Variants in CCSER1 observed in about 807,000 individuals in gnomAD.
The protein encoded by CCSER1 is coiled-coil serine rich protein 1, also known as serine-rich coiled-coil domain-containing protein 1.
Under a neutral mutation model 82.0 loss-of-function variants are expected in CCSER1, and 41 were observed. The ratio of observed to expected loss-of-function variants is 0.50; its 90% CI spans 0.39 to 0.65. The LOEUF is 0.65. CCSER1 is among the 30% of genes least tolerant of loss of function. The probability of loss-of-function intolerance (pLI) is 0.00; values close to 1 mark genes in which losing one functional copy is unlikely to be tolerated. For synonymous variants in CCSER1, 414 were observed against 383.9 expected (o/e 1.08, Z -0.92); for missense variants, 1,119 against 1,064.2 (o/e 1.05, Z -0.72).
intron 8 of CCSER1, among the ~76,000 whole-genome samples, chr4:90,911,893 G>A (rs1293216203): frequency 6.6e-6 from 1 of 152,208 alleles, no homozygotes; most frequent in South Asian, 2.1e-4. Context: ...TAGCACAGCA[G>A]TCTGAGATCA....
At chr4:91,435,330 A>G (rs750660007) in intron 10 of CCSER1, among the ~76,000 whole-genome samples, 1 of 151,600 alleles carries the variant, frequency 6.6e-6, no homozygotes, top group Non-Finnish European at 1.5e-5. Context: ...ACTCTCAGCT[A>G]CTCTGGAGGC....
intron 8 of CCSER1, among the ~76,000 whole-genome samples, chr4:90,920,046 T>TTTGAATTAAATGTGAATCTCTGGGACAC (rs1243420214): frequency 6.6e-6 from 1 of 151,914 alleles, no homozygotes; most frequent in Non-Finnish European, 1.5e-5. Context: ...AATTCTTCAC[T>TTTGAATTAAATGTGAATCTCTGGGACAC]ATCCTTCTGA....
chr4:91,110,739 T>G (rs1219160845), intron 10 of CCSER1, among the ~76,000 whole-genome samples: 1 of 151,984 alleles, frequency 6.6e-6, no homozygotes, highest in Non-Finnish European at 1.5e-5. Context: ...AAGTACCCAA[T>G]AAATGTTTGT....
rs1010325618 is a variant in CCSER1, at chr4:90,248,636, A to G, written c.-41-59608A>G. Among the ~76,000 whole-genome samples the G allele has an allele frequency of 4.6e-5, 7 of 152,178 alleles. 1 individual carries two copies. Among genetic ancestry groups the G allele is most frequent in the Admixed American group, 4.6e-4 (7 of 15,276 alleles). ...TACATCTTGTATTCTACCAAGGTCT[A>G]GAGGAGGGTGGATTTAAATGATCAA... On this transcript the variant is annotated intron_variant, in intron 1 of 10. Transcript: ENST00000509176.
At chr4:91,022,458 C>T (rs977062689) in intron 9 of CCSER1, among the ~76,000 whole-genome samples, 9 of 151,950 alleles carry the variant, frequency 5.9e-5, no homozygotes, top group African/African-American at 9.7e-5. Flanking sequence ...TGAATAGTGC[C>T]GCAGTAAACA....
chr4:91,230,049 AG>A (rs1351545485), intron 10 of CCSER1, among the ~76,000 whole-genome samples: 1 of 152,168 alleles, frequency 6.6e-6, no homozygotes, highest in Non-Finnish European at 1.5e-5. Context: ...CGAGTACTAA[AG>A]CAACAGATAA....
chr4:91,297,379 G>GTGTGTA (rs1327435173), intron 10 of CCSER1, among the ~76,000 whole-genome samples: 7 of 98,594 alleles, frequency 7.1e-5, no homozygotes, highest in Non-Finnish European at 1.1e-4. Flanking sequence ...GTGTGTGTGT[G>GTGTGTA]TGTGTATGTG....
At chr4:91,353,875 A>C (rs78058095) in intron 10 of CCSER1, among the ~76,000 whole-genome samples, 3,006 of 152,256 alleles carry the variant, frequency 0.02, 90 homozygotes, top group African/African-American at 0.067. Flanking sequence ...AAACATGGCT[A>C]CAGGATTGCA....
chr4:91,537,309 G>A (rs188330073), intron 10 of CCSER1, among the ~76,000 whole-genome samples: 2 of 152,028 alleles, frequency 1.3e-5, no homozygotes, highest in African/African-American at 4.8e-5. Context: ...ACCACCATAC[G>A]GTGTTGTATA....
chr4:90,507,605 A>G (rs1770893401), intron 5 of CCSER1, among the ~76,000 whole-genome samples: 2 of 152,106 alleles, frequency 1.3e-5, no homozygotes, highest in South Asian at 2.1e-4. Flanking sequence ...TATAATGGTC[A>G]ATTTAAGCTA....
intron 10 of CCSER1, among the ~76,000 whole-genome samples, chr4:91,493,089 G>A (rs1334106710): frequency 6.6e-6 from 1 of 151,874 alleles, no homozygotes; most frequent in African/African-American, 2.4e-5. Flanking sequence ...TAGTTTGTGT[G>A]CAAGATAAGT....
chr4:91,034,135 T>C (rs189531651), intron 9 of CCSER1, among the ~76,000 whole-genome samples: 3 of 152,320 alleles, frequency 2.0e-5, no homozygotes, highest in South Asian at 4.1e-4. Flanking sequence ...TCCTGTAGTC[T>C]CTGCAGAATT....
intron 10 of CCSER1, among the ~76,000 whole-genome samples, chr4:91,427,931 T>A (rs1363605610): frequency 1.3e-5 from 2 of 151,924 alleles, no homozygotes; most frequent in Non-Finnish European, 2.9e-5. Context: ...AGTCCAGGGA[T>A]ATAGCTTTTA....
At chr4:90,708,670 A>G (rs1739898271) in intron 6 of CCSER1, among the ~76,000 whole-genome samples, 1 of 152,124 alleles carries the variant, frequency 6.6e-6, no homozygotes, top group Admixed American at 6.6e-5. Context: ...TCCTTGTTCT[A>G]TTGTAACTGA....
At chr4:90,385,642 T>C (rs1298769618) in intron 3 of CCSER1, among the ~76,000 whole-genome samples, 1 of 151,980 alleles carries the variant, frequency 6.6e-6, no homozygotes. Flanking sequence ...TGTATTTTTT[T>C]GGTAGAGACA....
At chr4:90,319,268 C>T (rs1010140927) in intron 3 of CCSER1, among the ~76,000 whole-genome samples, 6 of 152,080 alleles carry the variant, frequency 3.9e-5, no homozygotes, top group Admixed American at 6.6e-5. Context: ...TTGTACAATC[C>T]GCCAAGCAAA....
chr4:91,085,920 A>G (rs1252807689), intron 9 of CCSER1, 30 bp from the exon 10 acceptor site: 2 of 1,289,338 alleles, frequency 1.6e-6, no homozygotes, highest in Admixed American at 4.2e-5. Flanking sequence ...TTCGTTGCCA[A>G]TAATAATATA....
rs141237344 is a variant in CCSER1, at chr4:91,005,096, T to A, written c.2173-80854T>A. Among the ~76,000 whole-genome samples, 23 of 152,280 alleles carry A rather than the reference T, an allele frequency of 1.5e-4. No homozygotes were observed. In the East Asian group the frequency reaches 3.7e-3, roughly 24 times the overall value. On this transcript the variant is annotated intron_variant, in intron 9 of 10. Coordinates refer to ENST00000509176, the MANE Select transcript of CCSER1 (RefSeq NM_001145065.2). ...ATCTGACATCTTGGTATGTTTAAAC[T>A]CTGGCATCACCCTAGGAAATAACAT...
chr4:91,439,457 G>T (rs556645904), intron 10 of CCSER1, among the ~76,000 whole-genome samples: 1 of 151,950 alleles, frequency 6.6e-6, no homozygotes, highest in Non-Finnish European at 1.5e-5. Context: ...CACCAGGCCT[G>T]CCCTAAAAGA....
Sources: gnomAD v4.1 joint callset for allele counts (sites outside exome capture counted in the v4.1 genomes callset) on GRCh38, gnomAD v4.1.1 for gene constraint, MANE v1.5 for transcripts, NCBI Gene and HGNC (gene_info 2026-07-23, HGNC 2026-07-21) for gene names.